The following ADAMTSL1 variants were observed in gnomAD, a reference collection of about 807,000 sequenced individuals.
ADAMTSL1 encodes the protein ADAMTS like 1.
ADAMTSL1 carries 126 observed loss-of-function variants against 201.8 expected under a neutral mutation model. That is an observed-to-expected ratio of 0.62 (90% confidence interval 0.54 to 0.72). ADAMTSL1 has a LOEUF of 0.72. Ranked by LOEUF, ADAMTSL1 falls within the 30% of genes least tolerant of loss-of-function variation. The pLI is 0.00. For synonymous variants in ADAMTSL1, 1,121 were observed against 903.4 expected, an observed-to-expected ratio of 1.24 and a Z score of -4.32; for missense variants, 2,679 against 2,277.8, an observed-to-expected ratio of 1.18 and a Z score of -3.59.
At chr9:18,663,228 T>C (rs1228151208) in intron 9 of ADAMTSL1, among the ~76,000 whole-genome samples, 1 of 152,172 alleles carries the variant, frequency 6.6e-6, no homozygotes, top group Non-Finnish European at 1.5e-5. Context: ...ATTGCTGTTA[T>C]TAATTAATTC....
rs901937571 is a variant in ADAMTSL1 at position 17,970,465 on chromosome 9, TG to T, written c.87+63545del. The stretch of plus-strand genomic sequence containing the variant: ...ACTTGGGTGTGGAGTACAGGCCTTG[TG>T]GTAACCTAGCCTGAGCCACTTGGAC... On this transcript the variant is annotated intron_variant, in intron 1 of 29. Transcript: ENST00000680146. Among the ~76,000 whole-genome samples, 7 of 152,190 alleles carry T rather than the reference TG, an allele frequency of 4.6e-5. No homozygotes were observed. The East Asian group carries it at 9.7e-4, about 21-fold the overall frequency.
chr9:18,776,804 C>T lies in ADAMTSL1; in HGVS notation c.2575C>T (p.His859Tyr), dbSNP rs1821037046. 1.3e-6 allele frequency: 2 copies of T among 1,558,810 alleles called. No individual in the cohort carries two copies. Among genetic ancestry groups the T allele is most frequent in the South Asian group, 2.4e-5 (2 of 85,078 alleles). Residue 859 changes from histidine to tyrosine, a missense_variant, in exon 19 of 29, where the codon CAC becomes TAC. By Grantham distance (83) the His-to-Tyr change is moderately conservative. Transcript: ENST00000380548. ...CARPGRPSTK[H>Y]SPHIAAARKV... is the part of the protein sequence containing the mutation. ...AGGGCCCGGGCGGCCATCCACGAAG[C>T]ACAGCCCGCACATCGCGGCCGCCAG...
intron 2 of ADAMTSL1, among the ~76,000 whole-genome samples, chr9:18,322,735 A>G (rs559830043): frequency 1.6e-4 from 25 of 152,314 alleles, no homozygotes; most frequent in African/African-American, 6.0e-4. Context: ...AATACCAGAA[A>G]TAAGAGTGGT....
At chr9:18,389,279 C>T (rs1222868075) in intron 2 of ADAMTSL1, among the ~76,000 whole-genome samples, 1 of 151,394 alleles carries the variant, frequency 6.6e-6, no homozygotes, top group Non-Finnish European at 1.5e-5. Flanking sequence ...TTGGCCATGT[C>T]AATAAATTAT....
chr9:18,479,133 G>A (rs950915222), intron 1 of ADAMTSL1, among the ~76,000 whole-genome samples: 1 of 152,122 alleles, frequency 6.6e-6, no homozygotes, highest in Admixed American at 6.5e-5. Context: ...AAAAATAAAT[G>A]ACTAAATCTC....
At chr9:18,602,060 T>G (rs1824697094) in intron 4 of ADAMTSL1, among the ~76,000 whole-genome samples, 1 of 152,222 alleles carries the variant, frequency 6.6e-6, no homozygotes, top group African/African-American at 2.4e-5. Context: ...AGCAGGGCAA[T>G]GCAGTACAGG....
chr9:18,833,262 G>A (rs1825105645), intron 23 of ADAMTSL1, among the ~76,000 whole-genome samples: 2 of 152,162 alleles, frequency 1.3e-5, no homozygotes, highest in Admixed American at 6.6e-5. Flanking sequence ...TCTGTCTTTA[G>A]GTCTTTGAGG....
upstream of ADAMTSL1, chr9:18,473,797 G>C (rs917503297): frequency 3.7e-5 from 7 of 191,292 alleles, no homozygotes; most frequent in South Asian, 3.5e-4. Context: ...ATCAGCACAG[G>C]CAAATGGCAA....
chr9:18,525,881 G>A (rs1234953792), intron 2 of ADAMTSL1, among the ~76,000 whole-genome samples: 1 of 152,168 alleles, frequency 6.6e-6, no homozygotes, highest in African/African-American at 2.4e-5. Context: ...GTCAATTTTG[G>A]AATTAGTGCA....
chr9:18,777,455 C>G lies in ADAMTSL1; in HGVS notation c.3226C>G (p.Arg1076Gly). 1 of 1,594,952 alleles carries G rather than the reference C, an allele frequency of 6.3e-7. No homozygotes were observed. The highest frequency in any genetic ancestry group is 8.5e-7 in the Non-Finnish European group (1 of 1,171,076). The change falls in exon 19 of 29, where the codon CGG (arginine) becomes GGG (glycine). Residue 1076 changes from arginine (R) to glycine (G), a missense_variant. Coordinates refer to ENST00000380548, the MANE Select transcript of ADAMTSL1 (RefSeq NM_001040272.6). ...HLPFTMVTEQRRLDDILGNLS... is the reference protein window; with the variant it reads ...HLPFTMVTEQGRLDDILGNLS... ...GCCCTTCACCATGGTGACCGAGCAG[C>G]GGCGCCTGGACGACATCCTGGGGAA...
chr9:18,436,259 G>C (rs936794770), intron 2 of ADAMTSL1, among the ~76,000 whole-genome samples: 3 of 152,030 alleles, frequency 2.0e-5, no homozygotes, highest in Non-Finnish European at 2.9e-5. Flanking sequence ...TTTAGGAGGA[G>C]GTGTCCAGCC....
chr9:18,551,833 G>A (rs1820816504), intron 3 of ADAMTSL1, among the ~76,000 whole-genome samples: 1 of 151,744 alleles, frequency 6.6e-6, no homozygotes, highest in Non-Finnish European at 1.5e-5. Context: ...GAATAGTTGT[G>A]TTTTTTGTTT....
intron 16 of ADAMTSL1, among the ~76,000 whole-genome samples, chr9:18,766,394 G>A (rs574350194): frequency 1.1e-4 from 17 of 152,248 alleles, no homozygotes; most frequent in South Asian, 4.2e-4. Flanking sequence ...CTTTGAAAAC[G>A]TCACTCTTGC....
chr9:17,945,236 C>T (rs1377072778), intron 1 of ADAMTSL1, among the ~76,000 whole-genome samples: 1 of 141,442 alleles, frequency 7.1e-6, no homozygotes. Context: ...CACTGACCAT[C>T]AGAGAAATGC....
chr9:18,034,292 T>C (rs1586925546), intron 1 of ADAMTSL1, among the ~76,000 whole-genome samples: 2 of 152,152 alleles, frequency 1.3e-5, no homozygotes, highest in South Asian at 4.2e-4. Context: ...ATCTGCCCTG[T>C]GGCTCCACTG....
At chr9:18,401,971 C>A (rs778752131) in intron 2 of ADAMTSL1, among the ~76,000 whole-genome samples, 2 of 152,262 alleles carry the variant, frequency 1.3e-5, no homozygotes, top group African/African-American at 4.8e-5. Flanking sequence ...TTTCTCATAT[C>A]GCAGAGTCAA....
At chr9:18,038,297 T>C (rs2131626695) in intron 1 of ADAMTSL1, among the ~76,000 whole-genome samples, 1 of 152,296 alleles carries the variant, frequency 6.6e-6, no homozygotes, top group African/African-American at 2.4e-5. Flanking sequence ...TGCCCCTCTC[T>C]GGGCCTCTGG....
chr9:18,653,619 GAAAA>G (rs10570129), intron 7 of ADAMTSL1, among the ~76,000 whole-genome samples: 7 of 137,856 alleles, frequency 5.1e-5, no homozygotes, highest in East Asian at 2.1e-4. Flanking sequence ...CTATGAAAAA[GAAAA>G]AAAAAAAAAA....
intron 2 of ADAMTSL1, among the ~76,000 whole-genome samples, chr9:18,358,229 C>G (rs1836344028): frequency 6.6e-6 from 1 of 152,108 alleles, no homozygotes; most frequent in African/African-American, 2.4e-5. Flanking sequence ...TTAATGAATG[C>G]TAGTTAACTT....
Sources: allele counts gnomAD v4.1 joint callset (sites outside exome capture counted in the v4.1 genomes callset), GRCh38; gene constraint gnomAD v4.1.1; transcripts MANE v1.5; gene names NCBI Gene and HGNC (gene_info 2026-07-23, HGNC 2026-07-21).